POLN: variants seen among roughly 807,000 people sequenced by gnomAD.
POLN encodes the protein DNA polymerase N.
A neutral mutation model predicts 113.5 loss-of-function variants in POLN; 108 were observed. That is an observed-to-expected ratio of 0.95 (90% CI 0.81 to 1.12). The LOEUF (loss-of-function observed/expected upper bound fraction) is 1.12. Among genes scored for constraint, POLN ranks in the 50% most tolerant of loss-of-function variants. POLN has a pLI of 0.00. For synonymous variants in POLN, 386 were observed against 391.5 expected (o/e 0.99, Z 0.17); for missense variants, 1,097 against 1,077.1 (o/e 1.02, Z -0.26).
chr4:2,235,898 T>C (rs1734746660), intron 2 of POLN, among the ~76,000 whole-genome samples: 1 of 152,168 alleles, frequency 6.6e-6, no homozygotes, highest in African/African-American at 2.4e-5. Context: ...ACAGAGGATT[T>C]TAAAGCTATA....
At chr4:2,113,536 A>G (rs750811632) in intron 19 of POLN, among the ~76,000 whole-genome samples, 2 of 151,638 alleles carry the variant, frequency 1.3e-5, no homozygotes, top group Non-Finnish European at 2.9e-5. Flanking sequence ...CTTACATTTT[A>G]CTTCTATCTA....
chr4:2,162,261 C>G (rs1732615856), intron 13 of POLN, among the ~76,000 whole-genome samples: 2 of 152,038 alleles, frequency 1.3e-5, no homozygotes, highest in South Asian at 4.1e-4. Context: ...GCAAGACCAC[C>G]AGCCCACTGG....
chr4:2,204,662 T>G (rs1733801982), intron 5 of POLN, among the ~76,000 whole-genome samples: 2 of 152,114 alleles, frequency 1.3e-5, no homozygotes, highest in Non-Finnish European at 2.9e-5. Context: ...GACCAATATC[T>G]CTGATGAACA....
chr4:2,151,902 T>C (rs1732305665), intron 16 of POLN, among the ~76,000 whole-genome samples: 1 of 152,206 alleles, frequency 6.6e-6, no homozygotes, highest in African/African-American at 2.4e-5. Flanking sequence ...TTTTTCCTTC[T>C]TTTTTTATTT....
At chr4:2,239,033 T>C (rs1734876270) in intron 2 of POLN, 3 of 1,527,534 alleles carry the variant, frequency 2.0e-6, no homozygotes, top group African/African-American at 1.4e-5. Context: ...CAAATTTTCT[T>C]TGTCCACAGC....
At chr4:2,156,179 A>T (rs1213648782) in intron 16 of POLN, among the ~76,000 whole-genome samples, 1 of 152,186 alleles carries the variant, frequency 6.6e-6, no homozygotes, top group Non-Finnish European at 1.5e-5. Flanking sequence ...AAAGTGTGGA[A>T]AGATAGATAC....
chr4:2,174,592 A>G, intron 10 of POLN, 99 bp downstream of exon 10: 2 of 1,006,946 alleles, frequency 2.0e-6, no homozygotes, highest in East Asian at 4.9e-5. Flanking sequence ...CATGAGATAT[A>G]CTATCTACTC....
At chr4:2,084,758 T>C (rs1246998025) in intron 21 of POLN, among the ~76,000 whole-genome samples, 1 of 152,238 alleles carries the variant, frequency 6.6e-6, no homozygotes, top group Non-Finnish European at 1.5e-5. Context: ...TCTAAGATGC[T>C]GGTCCTGCTG....
At chr4:2,075,166 T>C (rs1730245898) in intron 24 of POLN, among the ~76,000 whole-genome samples, 1 of 152,138 alleles carries the variant, frequency 6.6e-6, no homozygotes, top group Non-Finnish European at 1.5e-5. Flanking sequence ...CAAAGCAGCC[T>C]TGGGTGTCTG....
chr4:2,168,595 T>C (rs998770484), intron 13 of POLN, among the ~76,000 whole-genome samples: 1 of 152,190 alleles, frequency 6.6e-6, no homozygotes. Flanking sequence ...TCTTGCACTG[T>C]TGGTTGTCTG....
intron 8 of POLN, among the ~76,000 whole-genome samples, chr4:2,178,457 C>T (rs766094441): frequency 6.6e-6 from 1 of 152,212 alleles, no homozygotes; most frequent in Admixed American, 6.5e-5. Flanking sequence ...ACATTGCCAC[C>T]ACTAGACACC....
At chr4:2,107,631 C>T (rs1019895772) in intron 19 of POLN, among the ~76,000 whole-genome samples, 1 of 151,948 alleles carries the variant, frequency 6.6e-6, no homozygotes, top group Non-Finnish European at 1.5e-5. Flanking sequence ...TGTGGAAACG[C>T]GAAGAGAGAA....
intron 19 of POLN, among the ~76,000 whole-genome samples, chr4:2,111,637 A>T (rs1018639031): frequency 0.023 from 3,488 of 152,324 alleles, 64 homozygotes; most frequent in Non-Finnish European, 0.037. Context: ...ACTCCCATTC[A>T]CAATTGCTTC....
intron 20 of POLN, among the ~76,000 whole-genome samples, chr4:2,091,796 T>TGCGCGC (rs200447642): frequency 6.0e-5 from 8 of 134,020 alleles, no homozygotes; most frequent in Admixed American, 2.4e-4. Flanking sequence ...TGTGTGTGTG[T>TGCGCGC]GTGTGCGCGC....
chr4:2,201,277 CA>C (rs35399602), intron 5 of POLN, among the ~76,000 whole-genome samples: 2 of 15,834 alleles, frequency 1.3e-4, no homozygotes, highest in East Asian at 3.6e-3. Flanking sequence ...CCTACCACTC[CA>C]AAAAAAAAAA....
At chr4:2,078,933 A>AT in intron 23 of POLN, 1 of 984,534 alleles carries the variant, frequency 1.0e-6, no homozygotes, top group Non-Finnish European at 1.2e-6. Flanking sequence ...AAGTGAACCG[A>AT]TTTTTTCTTT....
At chr4:2,200,278 C>T (rs1387129153) in intron 5 of POLN, among the ~76,000 whole-genome samples, 1 of 152,126 alleles carries the variant, frequency 6.6e-6, no homozygotes, top group South Asian at 2.1e-4. Flanking sequence ...TACTATAAAG[C>T]GCCAATAATC....
At chr4:2,113,902 A>AATAATG (rs1406849119) in intron 19 of POLN, among the ~76,000 whole-genome samples, 1 of 141,102 alleles carries the variant, frequency 7.1e-6, no homozygotes, top group African/African-American at 2.6e-5. Context: ...TAATAATAAT[A>AATAATG]ATGTCTTTTT....
chr4:2,189,421 C>T (rs1412437926), intron 7 of POLN, among the ~76,000 whole-genome samples: 6 of 151,686 alleles, frequency 4.0e-5, no homozygotes, highest in East Asian at 3.9e-4. Flanking sequence ...GGGTGGATCA[C>T]GAGGTCAGGA....
Sources: allele counts gnomAD v4.1 joint callset (sites outside exome capture counted in the v4.1 genomes callset), GRCh38; gene constraint gnomAD v4.1.1; transcripts MANE v1.5; gene names NCBI Gene and HGNC (gene_info 2026-07-23, HGNC 2026-07-21).